QKI: variants seen among roughly 807,000 people sequenced by gnomAD.
The protein encoded by QKI is QKI, KH domain containing RNA binding.
In QKI, 10 loss-of-function variants were observed where a neutral mutation model predicts 39.0. That is an observed-to-expected ratio of 0.26 (90% CI 0.16 to 0.43). QKI has a LOEUF of 0.43. QKI is among the 20% of genes least tolerant of loss of function. QKI has a pLI of 1.00. For missense variants in QKI, 218 were observed against 428.0 expected (o/e 0.51, Z 4.33); for synonymous variants, 204 against 155.4 (o/e 1.31, Z -2.33).
chr6:163,466,774 G>GA (rs1308530674), intron 2 of QKI, among the ~76,000 whole-genome samples: 1 of 151,834 alleles, frequency 6.6e-6, no homozygotes, highest in East Asian at 1.9e-4. Flanking sequence ...AAACATGTAG[G>GA]AAAAAACACT....
At chr6:163,486,709 A>G (rs1230332784) in intron 3 of QKI, among the ~76,000 whole-genome samples, 1 of 152,214 alleles carries the variant, frequency 6.6e-6, no homozygotes, top group Non-Finnish European at 1.5e-5. Context: ...CCTTGTTTAT[A>G]GTTTGGTATG....
intron 3 of QKI, among the ~76,000 whole-genome samples, chr6:163,531,335 C>T (rs534890828): frequency 6.6e-6 from 1 of 152,300 alleles, no homozygotes; most frequent in Admixed American, 6.5e-5. Context: ...TCTCCTAATG[C>T]AGTTTGAGCA....
intron 2 of QKI, among the ~76,000 whole-genome samples, chr6:163,461,965 C>A (rs893503587): frequency 5.9e-5 from 9 of 152,086 alleles, no homozygotes; most frequent in Admixed American, 5.2e-4. Context: ...ACTATGTTTT[C>A]TTTTGATTTC....
rs370524078 is a variant in QKI at position 163,527,773 on chromosome 6, T to C, written c.403-7209T>C. On this transcript the variant is annotated intron_variant, in intron 3 of 7. Coordinates refer to ENST00000361752, the MANE Select transcript of QKI (RefSeq NM_006775.3). ...GGTTTCAAAAATGAAATGGAAGTTG[T>C]TTTATTGAAAAGTGGTAAAATTTAG... Among the ~76,000 whole-genome samples the C allele has an allele frequency of 3.9e-5, 6 of 152,192 alleles. No homozygotes were observed. In the South Asian group the frequency reaches 1.2e-3, roughly 31 times the overall value.
chr6:163,541,635 C>T (rs9458853), intron 4 of QKI, among the ~76,000 whole-genome samples: 6,109 of 151,928 alleles, frequency 0.04, 127 homozygotes, highest in African/African-American at 0.062. Context: ...TTGGTGTACA[C>T]ATGTACATGC....
At chr6:163,432,953 G>T (rs1242185541) in intron 1 of QKI, among the ~76,000 whole-genome samples, 2 of 152,108 alleles carry the variant, frequency 1.3e-5, no homozygotes, top group Non-Finnish European at 2.9e-5. Context: ...AACCAAACAG[G>T]GTAGTGAGTA....
intron 3 of QKI, among the ~76,000 whole-genome samples, chr6:163,498,171 T>TC (rs1200235725): frequency 7.6e-6 from 1 of 130,758 alleles, no homozygotes; most frequent in Non-Finnish European, 1.6e-5. Flanking sequence ...ATTAGTTTGC[T>TC]CCTACCGCAG....
intron 4 of QKI, among the ~76,000 whole-genome samples, chr6:163,541,929 C>A (rs1022956269): frequency 3.3e-5 from 5 of 151,826 alleles, no homozygotes; most frequent in African/African-American, 1.2e-4. Flanking sequence ...CATACATGTT[C>A]CTCCTTCCTC....
intron 3 of QKI, among the ~76,000 whole-genome samples, chr6:163,479,940 A>G (rs889289972): frequency 2.0e-5 from 3 of 152,244 alleles, no homozygotes; most frequent in African/African-American, 7.2e-5. Flanking sequence ...ATCACTAGCC[A>G]TATGAGATAC....
chr6:163,438,829 G>T (rs78441372), intron 1 of QKI, among the ~76,000 whole-genome samples: 5,868 of 151,588 alleles, frequency 0.039, 389 homozygotes, highest in African/African-American at 0.13. Flanking sequence ...ATTTATAAAA[G>T]ATATTTTTCT....
intron 3 of QKI, among the ~76,000 whole-genome samples, chr6:163,502,353 AAT>A (rs1264198214): frequency 3.3e-5 from 5 of 151,814 alleles, no homozygotes; most frequent in South Asian, 2.1e-4. Context: ...AACAAACAAA[AAT>A]ATATATATAT....
chr6:163,446,229 C>T (rs1207162544), intron 1 of QKI, among the ~76,000 whole-genome samples: 1 of 152,094 alleles, frequency 6.6e-6, no homozygotes, highest in East Asian at 1.9e-4. Flanking sequence ...TAATTCATTA[C>T]TATCACTATA....
rs1007961556 is a variant in QKI, at chr6:163,488,272, C to G, written c.402+9376C>G. Among the ~76,000 whole-genome samples the G allele has an allele frequency of 3.9e-5, 6 of 152,068 alleles. No homozygotes were observed. The East Asian group carries it at 1.2e-3, about 29-fold the overall frequency. On this transcript the variant is annotated intron_variant, in intron 3 of 7. Transcript: ENST00000361752. ...GACAGTCTGCACTCTTGTGAGAATT[C>G]TTCCTCAGACTTGGAATCAGCCAAT...
intron 7 of QKI, chr6:163,568,612 C>T (rs1218717958): frequency 1.0e-6 from 1 of 977,326 alleles, no homozygotes; most frequent in African/African-American, 1.8e-5. Flanking sequence ...CTACTGTTTT[C>T]TCTATTTTTG....
At chr6:163,417,880 G>A (rs899776797) in intron 1 of QKI, among the ~76,000 whole-genome samples, 20 of 152,162 alleles carry the variant, frequency 1.3e-4, no homozygotes, top group Admixed American at 1.2e-3. Flanking sequence ...AGGAAAAAGG[G>A]CTATTCCTTA....
intron 3 of QKI, among the ~76,000 whole-genome samples, chr6:163,484,888 T>C (rs193268911): frequency 1.7e-4 from 26 of 152,252 alleles, no homozygotes; most frequent in Non-Finnish European, 2.8e-4. Flanking sequence ...ATTGAGCACA[T>C]GGTGTTGGAA....
chr6:163,429,574 A>G (rs548948252), intron 1 of QKI, among the ~76,000 whole-genome samples: 1 of 152,280 alleles, frequency 6.6e-6, no homozygotes, highest in Non-Finnish European at 1.5e-5. Context: ...GTGGCTTTAG[A>G]AGTTACTTTT....
At chr6:163,444,920 A>G (rs1207584423) in intron 1 of QKI, among the ~76,000 whole-genome samples, 1 of 151,816 alleles carries the variant, frequency 6.6e-6, no homozygotes, top group Non-Finnish European at 1.5e-5. Context: ...TATTATTATT[A>G]TTATTTTTGA....
At chr6:163,493,728 T>G (rs1194149833) in intron 3 of QKI, among the ~76,000 whole-genome samples, 1 of 152,218 alleles carries the variant, frequency 6.6e-6, no homozygotes, top group Non-Finnish European at 1.5e-5. Flanking sequence ...TAGAATTGGT[T>G]GGTTGAAAAT....
Sources: allele counts gnomAD v4.1 joint callset (sites outside exome capture counted in the v4.1 genomes callset), GRCh38; gene constraint gnomAD v4.1.1; transcripts MANE v1.5; gene names NCBI Gene and HGNC (gene_info 2026-07-23, HGNC 2026-07-21).